The following PIGU variants were observed in gnomAD, a reference collection of about 807,000 sequenced individuals.
PIGU encodes the protein GPI-anchor transamidase component PIGU.
In PIGU, 24 loss-of-function variants were observed where a neutral mutation model predicts 49.9. The observed-to-expected ratio is 0.48, with a 90% confidence interval of 0.35 to 0.68. The LOEUF is 0.68. PIGU is among the 30% of genes least tolerant of loss of function. PIGU has a pLI of 0.01. For missense variants in PIGU, 490 were observed against 532.6 expected, an observed-to-expected ratio of 0.92 and a Z score of 0.79; for synonymous variants, 220 against 205.7, an observed-to-expected ratio of 1.07 and a Z score of -0.59.
chr20:34,623,194 A>G (rs1158375481), intron 6 of PIGU, among the ~76,000 whole-genome samples: 1 of 152,184 alleles, frequency 6.6e-6, no homozygotes, highest in African/African-American at 2.4e-5. Context: ...ACTGGAATGT[A>G]GTCAAAAGGG....
At chr20:34,607,518 C>T (rs1984661516) in intron 7 of PIGU, among the ~76,000 whole-genome samples, 1 of 152,194 alleles carries the variant, frequency 6.6e-6, no homozygotes, top group South Asian at 2.1e-4. Flanking sequence ...GCTCCATCCC[C>T]TTTCCAGCTC....
At chr20:34,650,701 T>TTTTTTTTTTTC (rs1986514020) in intron 2 of PIGU, among the ~76,000 whole-genome samples, 1 of 17,898 alleles carries the variant, frequency 5.6e-5, no homozygotes, top group African/African-American at 2.6e-4. Context: ...TTTTTTTCTC[T>TTTTTTTTTTTC]TTTTTTTTTT....
chr20:34,637,133 T>A (rs923394816), intron 5 of PIGU, among the ~76,000 whole-genome samples: 3 of 152,130 alleles, frequency 2.0e-5, no homozygotes, highest in African/African-American at 7.2e-5. Flanking sequence ...GAATAGGAAA[T>A]CCACACACAA....
Position 34,584,162 on chromosome 20 carries a change from C to T in PIGU, c.926+1275G>A, listed in dbSNP as rs143792476. On this transcript the variant is annotated intron_variant, in intron 9 of 11. Transcript: ENST00000217446. ...TAGCTGTGTGACTGGGAAAATCATC[C>T]CACCTCTCTGAGCATCGATTTCCTC... Among the ~76,000 whole-genome samples the T allele has an allele frequency of 1.6e-3, 250 of 152,248 alleles. 1 individual carries two copies. The highest frequency in any genetic ancestry group is 5.6e-3 in the African/African-American group (234 of 41,550).
At chr20:34,617,899 T>C (rs1490818109) in intron 6 of PIGU, among the ~76,000 whole-genome samples, 1 of 152,172 alleles carries the variant, frequency 6.6e-6, no homozygotes, top group Non-Finnish European at 1.5e-5. Flanking sequence ...ATTCTCGTAA[T>C]AGTGAATGAG....
At chr20:34,670,268 C>T (rs904043468) in intron 1 of PIGU, among the ~76,000 whole-genome samples, 29 of 150,414 alleles carry the variant, frequency 1.9e-4, no homozygotes, top group African/African-American at 7.1e-4. Context: ...CAGCTCACTG[C>T]AACCTCCACC....
chr20:34,595,607 G>A (rs1193935981), intron 7 of PIGU, among the ~76,000 whole-genome samples: 1 of 152,106 alleles, frequency 6.6e-6, no homozygotes, highest in Non-Finnish European at 1.5e-5. Flanking sequence ...TTTTTGTACA[G>A]CTGACTCTTA....
intron 7 of PIGU, among the ~76,000 whole-genome samples, chr20:34,614,232 G>C (rs1029615705): frequency 6.6e-6 from 1 of 152,066 alleles, no homozygotes; most frequent in South Asian, 2.1e-4. Context: ...GGGAGGTTGA[G>C]GGTGCAGTGA....
At chr20:34,669,087 A>G (rs1009678039) in intron 1 of PIGU, among the ~76,000 whole-genome samples, 1 of 151,980 alleles carries the variant, frequency 6.6e-6, no homozygotes, top group African/African-American at 2.4e-5. Context: ...GAGTCTCCCT[A>G]TGTTGCCCAG....
intron 7 of PIGU, among the ~76,000 whole-genome samples, chr20:34,605,019 G>A (rs1032191678): frequency 6.6e-6 from 1 of 152,150 alleles, no homozygotes; most frequent in Non-Finnish European, 1.5e-5. Flanking sequence ...GGTAAGCCTC[G>A]CCTGGTCTCC....
At chr20:34,598,217 C>T (rs915739276) in intron 7 of PIGU, among the ~76,000 whole-genome samples, 3 of 152,012 alleles carry the variant, frequency 2.0e-5, no homozygotes, top group Admixed American at 2.0e-4. Flanking sequence ...TTAAACTATG[C>T]AAATATTATA....
rs572419674 is a variant in PIGU, at chr20:34,630,499, C to G, written c.529+4116G>C. The stretch of plus-strand genomic sequence containing the variant: ...TGAATAGTTGCAAAGGAAAATAAAA[C>G]CTGCAGATGATGACATTTGTAAATG... On this transcript the variant is annotated intron_variant, in intron 6 of 11. Coordinates refer to ENST00000217446, the MANE Select transcript of PIGU (RefSeq NM_080476.5). 3.9e-5 allele frequency among the ~76,000 whole-genome samples: 6 copies of G among 152,240 alleles called. No individual in the cohort carries two copies. The South Asian group carries it at 1.2e-3, about 32-fold the overall frequency.
chr20:34,644,271 G>C (rs772858765), intron 3 of PIGU, 45 bp from the exon 4 acceptor site: 1 of 1,489,868 alleles, frequency 6.7e-7, no homozygotes, highest in Admixed American at 1.7e-5. Flanking sequence ...CACAGTAAGT[G>C]TAAGAGTACT....
intron 7 of PIGU, among the ~76,000 whole-genome samples, chr20:34,589,541 C>T (rs974915856): frequency 1.3e-4 from 19 of 151,196 alleles, no homozygotes; most frequent in Admixed American, 7.3e-4. Flanking sequence ...TTAGTAGAGA[C>T]GGGGTTTCAC....
intron 7 of PIGU, among the ~76,000 whole-genome samples, chr20:34,598,923 T>G (rs992431000): frequency 1.3e-5 from 2 of 152,118 alleles, no homozygotes; most frequent in African/African-American, 4.8e-5. Flanking sequence ...CTGCATTATT[T>G]GGGCCCTAAC....
intron 7 of PIGU, among the ~76,000 whole-genome samples, chr20:34,607,227 T>C (rs1412560831): frequency 2.0e-5 from 3 of 152,196 alleles, no homozygotes; most frequent in African/African-American, 7.2e-5. Context: ...AAAAGGGCCG[T>C]TCCTGGCGAC....
At chr20:34,562,973 A>G (rs1982590570) in intron 11 of PIGU, among the ~76,000 whole-genome samples, 1 of 152,234 alleles carries the variant, frequency 6.6e-6, no homozygotes, top group South Asian at 2.1e-4. Context: ...GTCACAATCC[A>G]CAACAATCAA....
intron 6 of PIGU, among the ~76,000 whole-genome samples, chr20:34,623,016 C>G (rs936852359): frequency 7.2e-5 from 11 of 152,118 alleles, no homozygotes; most frequent in Non-Finnish European, 1.5e-4. Context: ...GGGACTGCAC[C>G]TCACAGCGAT....
At chr20:34,666,498 C>A (rs560052415) in intron 1 of PIGU, among the ~76,000 whole-genome samples, 5 of 151,134 alleles carry the variant, frequency 3.3e-5, no homozygotes, top group Admixed American at 3.3e-4. Flanking sequence ...GATAACTAAC[C>A]CATGAAGCAA....
Sources: gnomAD v4.1 joint callset for allele counts (sites outside exome capture counted in the v4.1 genomes callset) on GRCh38, gnomAD v4.1.1 for gene constraint, MANE v1.5 for transcripts, NCBI Gene and HGNC (gene_info 2026-07-23, HGNC 2026-07-21) for gene names.